ACTN3: variants seen among roughly 807,000 people sequenced by gnomAD.
ACTN3 encodes alpha-actinin-3.
In ACTN3, 91 loss-of-function variants were observed where a neutral mutation model predicts 119.6. The observed-to-expected ratio is 0.76, with a 90% CI of 0.64 to 0.91. ACTN3 has a LOEUF of 0.91. Ranked by LOEUF, ACTN3 falls within the 40% of genes least tolerant of loss-of-function variation. The probability of loss-of-function intolerance (pLI) is 0.00; values close to 1 mark genes in which losing one functional copy is unlikely to be tolerated. For missense variants in ACTN3, 1,221 were observed against 1,215.1 expected (o/e 1.00, Z -0.07); for synonymous variants, 456 against 478.8 (o/e 0.95, Z 0.62).
chr11:66,563,304 G>A lies in ACTN3; in HGVS notation c.*111G>A, dbSNP rs184635649. The A allele has an allele frequency of 4.0e-4, 529 of 1,333,524 alleles. No individual in the cohort carries two copies. The highest frequency in any genetic ancestry group is 1.1e-3 in the Middle Eastern group (4 of 3,636). 82.6% of individuals were successfully genotyped at this position (1,333,524 alleles called of 1,614,324 possible). On this transcript the variant is annotated 3_prime_UTR_variant, in exon 21 of 21. Transcript: ENST00000513398. ...AGAGAAAAGCCAGCCAAGTGCTTCTGAATAAAGATCCCTCTCTGGGTCTCT... is the reference window on the plus strand; with the variant it reads ...AGAGAAAAGCCAGCCAAGTGCTTCTAAATAAAGATCCCTCTCTGGGTCTCT...
intron 19 of ACTN3, 134 bp from the exon 20 acceptor site, chr11:66,562,659 TAAG>T: frequency 9.9e-7 from 1 of 1,011,680 alleles, no homozygotes; most frequent in South Asian, 1.6e-5. Context: ...CAGCCAGGGC[TAAG>T]GTCTCTGGAG....
At chr11:66,557,252 C>A in intron 9 of ACTN3, 27 bp downstream of exon 9, 1 of 1,546,580 alleles carries the variant, frequency 6.5e-7, no homozygotes, top group Non-Finnish European at 8.7e-7. Context: ...ACCGTGCTCT[C>A]CCCACCCCAG....
intron 8 of ACTN3, 144 bp downstream of exon 8, chr11:66,556,374 G>A: frequency 2.7e-6 from 2 of 737,788 alleles, no homozygotes; most frequent in Non-Finnish European, 4.4e-6. Flanking sequence ...CAGGAGCAGA[G>A]GACCCTGGTT....
In ACTN3 at chr11:66,555,167, C is replaced by T. The variant is rs368333449; in HGVS notation, c.595C>T (p.Arg199Ter). 2.1e-5 allele frequency: 34 copies of T among 1,613,916 alleles called. No individual in the cohort carries two copies. The African/African-American group carries it at 2.7e-4, about 13-fold the overall frequency. ...CCTGGCCCTCTGTGCCCTCATCCAC[C>T]GACACCGCCCTGACCTCATCGACTA... ...DGLALCALIH[R>*]HRPDLIDYAK... Residue 199 changes from arginine to a stop codon, truncating the protein, a stop_gained, in exon 6 of 21, where the codon CGA becomes TGA. Coordinates refer to ENST00000513398, the MANE Select transcript of ACTN3 (RefSeq NM_001104.4). LOFTEE classifies it high-confidence loss of function.
At chr11:66,557,012 C>T (rs1314406751) in intron 8 of ACTN3, 121 bp from the exon 9 acceptor site, 21 of 758,830 alleles carry the variant, frequency 2.8e-5, no homozygotes, top group South Asian at 1.2e-4. Context: ...CCGCCCGCCT[C>T]GGCCTCCCAA....
In ACTN3 at chr11:66,560,029, T is replaced by C. The variant is rs770961890; in HGVS notation, c.1489T>C (p.Trp497Arg). The C allele has an allele frequency of 1.2e-5, 19 of 1,579,368 alleles. No homozygotes were observed. The highest frequency in any genetic ancestry group is 2.3e-5 in the East Asian group (1 of 42,664). The change falls in exon 13 of 21, where the codon TGG (tryptophan) becomes CGG (arginine). Residue 497 changes from tryptophan (W) to arginine (R), a missense_variant. Physicochemically the swap from Trp to Arg is moderately radical, Grantham distance 101. Around this residue, in one of 3 missense-constraint regions of ACTN3, gnomAD observed 934 missense variants for 899.9 expected, o/e 1.04. Transcript: ENST00000513398. ...NSRCQAICDQ[W>R]DNLGTLTQKR... The stretch of plus-strand genomic sequence containing the variant: ...CCGCTGCCAGGCCATCTGCGATCAG[T>C]GGGACAACCTGGGCACCCTGACCCA...
chr11:66,548,079 G>A (rs1857400181), intron 1 of ACTN3, among the ~76,000 whole-genome samples: 2 of 152,172 alleles, frequency 1.3e-5, no homozygotes, highest in Non-Finnish European at 2.9e-5. Flanking sequence ...ATGACTCCAG[G>A]AGAGGGCAGG....
intron 3 of ACTN3, among the ~76,000 whole-genome samples, chr11:66,552,475 G>A (rs1005027383): frequency 6.6e-6 from 1 of 152,200 alleles, no homozygotes; most frequent in Non-Finnish European, 1.5e-5. Context: ...GCCAGGCATG[G>A]TAGCGCTGTA....
intron 5 of ACTN3, 77 bp downstream of exon 5, chr11:66,554,700 GA>G: frequency 8.2e-7 from 1 of 1,214,670 alleles, no homozygotes; most frequent in Non-Finnish European, 1.2e-6. Flanking sequence ...CCTGGTCAGT[GA>G]AGGGCACTGA....
In ACTN3 at chr11:66,557,186, C is replaced by T. The variant is rs772438582; in HGVS notation, c.858C>T (p.Asn286=). ...ICKVLAVNQE[N]EKLMEEYEKL... Reference sequence around the variant, plus strand: ...AGGTGCTGGCAGTGAACCAGGAAAACGAGAAGCTGATGGAGGAGTATGAGA... The same window carrying T: ...AGGTGCTGGCAGTGAACCAGGAAAATGAGAAGCTGATGGAGGAGTATGAGA... The change falls in exon 9 of 21, where the codon AAC becomes AAT. Residue 286 remains asparagine (N), a synonymous_variant. Transcript: ENST00000513398. 25 of 1,553,854 alleles carry T rather than the reference C, an allele frequency of 1.6e-5. No individual in the cohort carries two copies. The highest frequency in any genetic ancestry group is 3.6e-5 in the South Asian group (3 of 84,106).
chr11:66,563,287 G>T lies in ACTN3; in HGVS notation c.*94G>T. On this transcript the variant is annotated 3_prime_UTR_variant, in exon 21 of 21. Transcript: ENST00000513398. The stretch of plus-strand genomic sequence containing the variant: ...CTCGGAGCAAGGGCCTAAGAGAAAA[G>T]CCAGCCAAGTGCTTCTGAATAAAGA... The T allele has an allele frequency of 1.4e-6, 2 of 1,428,806 alleles. No homozygotes were observed. The highest frequency in any genetic ancestry group is 1.5e-5 in the South Asian group (1 of 68,860). The allele number at this position is 1,428,806 out of a possible 1,614,324, so 88.5% of individuals were successfully genotyped here. A position where few individuals can be genotyped will look rare whatever the true frequency, so the allele number is the denominator to read the frequency against.
intron 15 of ACTN3, 81 bp downstream of exon 15, chr11:66,560,836 G>A: frequency 6.9e-7 from 1 of 1,441,392 alleles, no homozygotes; most frequent in Non-Finnish European, 9.5e-7. Context: ...CCAAGATATG[G>A]AGAATAAAGT....
At chr11:66,559,913 G>A in intron 12 of ACTN3, 55 bp from the exon 13 acceptor site, 31 of 1,519,454 alleles carry the variant, frequency 2.0e-5, no homozygotes, top group Non-Finnish European at 2.7e-5. Flanking sequence ...TGGGAGTGCA[G>A]TTAGGACATC....
intron 3 of ACTN3, among the ~76,000 whole-genome samples, chr11:66,552,884 A>T (rs4990284): frequency 0.32 from 20,353 of 63,678 alleles, 1,561 homozygotes; most frequent in African/African-American, 0.49. Context: ...TCTCTCTCAC[A>T]CACACACACA....
Position 66,561,873 on chromosome 11 carries a change from T to C in ACTN3, c.2176-149T>C, listed in dbSNP as rs1299434835. 3 of 583,352 alleles carry C rather than the reference T, an allele frequency of 5.1e-6. 1 individual carries two copies. Among genetic ancestry groups the C allele is most frequent in the South Asian group, 3.9e-5 (2 of 51,164 alleles). The allele number at this position is 583,352 out of a possible 1,614,324, so 36.1% of individuals were successfully genotyped here. Reference sequence around the variant, plus strand: ...ACAGGAAGGACTGCTGGGGTGGGGGTGGGTTACTCAGTGGAGCCTCCAGAT... The same window carrying C: ...ACAGGAAGGACTGCTGGGGTGGGGGCGGGTTACTCAGTGGAGCCTCCAGAT... On this transcript the variant is annotated intron_variant, in intron 17 of 20. Coordinates refer to ENST00000513398, the MANE Select transcript of ACTN3 (RefSeq NM_001104.4).
chr11:66,554,423 A>T, intron 4 of ACTN3, 113 bp from the exon 5 acceptor site: 1 of 808,298 alleles, frequency 1.2e-6, no homozygotes, highest in Non-Finnish European at 1.9e-6. Flanking sequence ...GTGTCACTGC[A>T]CTCCAGTTGG....
intron 2 of ACTN3, 66 bp downstream of exon 2, chr11:66,551,419 A>AG: frequency 1.3e-6 from 2 of 1,564,300 alleles, no homozygotes; most frequent in Non-Finnish European, 1.7e-6. Flanking sequence ...CAGGGGGAAT[A>AG]GGGTGGCGGA....
chr11:66,550,201 C>T (rs1312349865), intron 1 of ACTN3, among the ~76,000 whole-genome samples: 4 of 152,138 alleles, frequency 2.6e-5, no homozygotes, highest in African/African-American at 7.2e-5. Context: ...GACCAAGCCC[C>T]GAAGAGGGAA....
In ACTN3 at chr11:66,550,299, G is replaced by A. The variant is rs528811374; in HGVS notation, c.148-940G>A. 3.9e-5 allele frequency among the ~76,000 whole-genome samples: 6 copies of A among 152,338 alleles called. No homozygotes were observed. The South Asian group carries it at 1.2e-3, about 32-fold the overall frequency. ...CTACCAAGTAGTCTATGGAAAGGCAGAATTCAGGACCTGAAGGGCGGTAGG... is the reference window on the plus strand; with the variant it reads ...CTACCAAGTAGTCTATGGAAAGGCAAAATTCAGGACCTGAAGGGCGGTAGG... On this transcript the variant is annotated intron_variant, in intron 1 of 20. Transcript: ENST00000513398.
Sources: gnomAD v4.1 joint callset for allele counts (sites outside exome capture counted in the v4.1 genomes callset) on GRCh38, gnomAD v4.1.1 for gene constraint, gnomAD v4.1.1 regional missense constraint, MANE v1.5 for transcripts, NCBI Gene and HGNC (gene_info 2026-07-23, HGNC 2026-07-21) for gene names.